The following SUMF1 variants were observed in gnomAD, a reference collection of about 807,000 sequenced individuals.
SUMF1 encodes the protein sulfatase modifying factor 1, also known as formylglycine-generating enzyme.
Under a neutral mutation model 47.6 loss-of-function variants are expected in SUMF1, and 48 were observed. The ratio of observed to expected loss-of-function variants is 1.01; its 90% CI spans 0.80 to 1.28. The LOEUF (loss-of-function observed/expected upper bound fraction) is 1.28. SUMF1 is among the 50% of genes most tolerant of loss of function. SUMF1 has a pLI of 0.00. For missense variants in SUMF1, 571 were observed against 485.4 expected (o/e 1.18, Z -1.66); for synonymous variants, 230 against 192.1 (o/e 1.20, Z -1.63).
intron 8 of SUMF1, among the ~76,000 whole-genome samples, chr3:4,348,265 T>C (rs1212616808): frequency 3.9e-5 from 6 of 152,164 alleles, no homozygotes; most frequent in African/African-American, 1.4e-4. Context: ...TCACACTACC[T>C]GACTTCAAAC....
At chr3:4,212,535 G>T (rs1432060968) in intron 8 of SUMF1, among the ~76,000 whole-genome samples, 1 of 152,032 alleles carries the variant, frequency 6.6e-6, no homozygotes, top group Non-Finnish European at 1.5e-5. Context: ...CGCCAACAAG[G>T]GAGCAAAAAT....
chr3:4,157,605 C>T (rs115666500), intron 8 of SUMF1, among the ~76,000 whole-genome samples: 4,546 of 151,470 alleles, frequency 0.03, 179 homozygotes, highest in African/African-American at 0.057. Context: ...GTAATGAGTC[C>T]ATGGATTTCT....
chr3:4,150,287 C>T (rs1324447749), intron 8 of SUMF1, among the ~76,000 whole-genome samples: 1 of 147,674 alleles, frequency 6.8e-6, no homozygotes, highest in Non-Finnish European at 1.5e-5. Context: ...GTAGGCCAGG[C>T]TCAGTGGCTC....
intron 8 of SUMF1, among the ~76,000 whole-genome samples, chr3:4,107,751 G>C (rs1173046323): frequency 6.6e-6 from 1 of 152,076 alleles, no homozygotes; most frequent in Non-Finnish European, 1.5e-5. Context: ...CCAGGAGTTT[G>C]AGGCTGCAAT....
chr3:4,034,643 G>C (rs1574836461), intron 9 of SUMF1, among the ~76,000 whole-genome samples: 1 of 152,052 alleles, frequency 6.6e-6, no homozygotes, highest in African/African-American at 2.4e-5. Flanking sequence ...GGTATCCAGA[G>C]GTAAGTCAGG....
At chr3:4,036,547 G>T (rs1182152104) in intron 9 of SUMF1, among the ~76,000 whole-genome samples, 1 of 151,564 alleles carries the variant, frequency 6.6e-6, no homozygotes, top group Non-Finnish European at 1.5e-5. Flanking sequence ...AGTGAAGGCT[G>T]CTGCAGGAGG....
chr3:4,214,386 TA>T (rs1454912538), intron 8 of SUMF1, among the ~76,000 whole-genome samples: 2 of 152,144 alleles, frequency 1.3e-5, no homozygotes, highest in Admixed American at 1.3e-4. Flanking sequence ...TGTACTAGAA[TA>T]TCTGGGACAC....
intron 7 of SUMF1, among the ~76,000 whole-genome samples, chr3:4,396,382 G>A (rs1701038600): frequency 6.6e-6 from 1 of 152,206 alleles, no homozygotes; most frequent in Non-Finnish European, 1.5e-5. Context: ...TCTTACAAGA[G>A]ATTGCAAATA....
At chr3:4,209,944 G>C (rs1452422199) in intron 8 of SUMF1, among the ~76,000 whole-genome samples, 1 of 152,076 alleles carries the variant, frequency 6.6e-6, no homozygotes, top group Non-Finnish European at 1.5e-5. Flanking sequence ...ACCCAGGCTG[G>C]AGTGCAGTGG....
chr3:4,178,774 T>C (rs1413012003), intron 8 of SUMF1, among the ~76,000 whole-genome samples: 2 of 152,198 alleles, frequency 1.3e-5, no homozygotes, highest in African/African-American at 2.4e-5. Flanking sequence ...GATGACATAA[T>C]TGTATATTTA....
chr3:4,442,934 G>A (rs1575228690), intron 3 of SUMF1, among the ~76,000 whole-genome samples: 6 of 151,066 alleles, frequency 4.0e-5, no homozygotes, highest in African/African-American at 9.8e-5. Context: ...AACAAATGCA[G>A]TCAGGAAGAA....
intron 8 of SUMF1, among the ~76,000 whole-genome samples, chr3:4,139,052 T>G (rs977539711): frequency 3.3e-5 from 5 of 152,104 alleles, no homozygotes; most frequent in Non-Finnish European, 7.4e-5. Flanking sequence ...GCAAATGCTA[T>G]GAATCAGAGC....
At chr3:4,392,778 T>C (rs921949573) in intron 7 of SUMF1, among the ~76,000 whole-genome samples, 4 of 152,078 alleles carry the variant, frequency 2.6e-5, no homozygotes, top group Non-Finnish European at 4.4e-5. Context: ...TACCTGAATA[T>C]AAACTGTAGA....
intron 9 of SUMF1, among the ~76,000 whole-genome samples, chr3:4,040,160 A>T (rs966555562): frequency 6.6e-6 from 1 of 152,202 alleles, no homozygotes; most frequent in African/African-American, 2.4e-5. Flanking sequence ...CACAATCTGG[A>T]AATATATCAA....
chr3:4,184,739 C>T lies in SUMF1; in HGVS notation c.1015-115994G>A, dbSNP rs1215619949. 4.8e-5 allele frequency among the ~76,000 whole-genome samples: 7 copies of T among 145,718 alleles called. 1 individual carries two copies. The East Asian group carries it at 1.3e-3, about 26-fold the overall frequency. On this transcript the variant is annotated intron_variant and NMD_transcript_variant, in intron 8 of 12. Transcript: ENST00000448413. ...TCTCGGCTCACTGCAACCTCCGCCTCCCGGGTTCAAGCGATCCTCCTGCCT... is the reference window on the plus strand; with the variant it reads ...TCTCGGCTCACTGCAACCTCCGCCTTCCGGGTTCAAGCGATCCTCCTGCCT...
At chr3:4,247,693 G>C (rs1414231518) in intron 8 of SUMF1, among the ~76,000 whole-genome samples, 2 of 152,150 alleles carry the variant, frequency 1.3e-5, no homozygotes, top group Non-Finnish European at 2.9e-5. Flanking sequence ...TTTCAATATA[G>C]ACAGAGGGAG....
Position 4,208,939 on chromosome 3 carries a change from T to A in SUMF1, c.1015-140194A>T, listed in dbSNP as rs568838766. Among the ~76,000 whole-genome samples the A allele has an allele frequency of 6.6e-5, 10 of 152,280 alleles. No homozygotes were observed. The South Asian group carries it at 2.1e-3, about 32-fold the overall frequency. On this transcript the variant is annotated intron_variant and NMD_transcript_variant, in intron 8 of 12. Transcript: ENST00000448413. ...TTAAGGATTTTTGCATCTGTGTCCA[T>A]GAAGGATATTGGTCTATAGTTTTCT...
At chr3:4,212,139 C>T (rs892935154) in intron 8 of SUMF1, among the ~76,000 whole-genome samples, 2 of 152,182 alleles carry the variant, frequency 1.3e-5, no homozygotes, top group East Asian at 1.9e-4. Context: ...GACTGGGAGA[C>T]ACCTCCCAGT....
intron 6 of SUMF1, among the ~76,000 whole-genome samples, chr3:4,415,687 C>A (rs1217594637): frequency 6.6e-6 from 1 of 152,028 alleles, no homozygotes; most frequent in South Asian, 2.1e-4. Context: ...GTGGTGTGCA[C>A]CTGTAGTCCC....
Sources: gnomAD v4.1 joint callset for allele counts (sites outside exome capture counted in the v4.1 genomes callset) on GRCh38, gnomAD v4.1.1 for gene constraint, MANE v1.5 for transcripts, NCBI Gene and HGNC (gene_info 2026-07-23, HGNC 2026-07-21) for gene names.